NPLOC4: variants seen among roughly 807,000 people sequenced by gnomAD.
NPLOC4 encodes NPL4 homolog, ubiquitin recognition factor, also known as nuclear protein localization protein 4 homolog.
In NPLOC4, 18 loss-of-function variants were observed where a neutral mutation model predicts 80.6. That is an observed-to-expected ratio of 0.22 (90% CI 0.15 to 0.33). The LOEUF is 0.33. Ranked by LOEUF, NPLOC4 falls within the 10% of genes least tolerant of loss-of-function variation. The pLI is 1.00. For missense variants in NPLOC4, 540 were observed against 786.1 expected, an observed-to-expected ratio of 0.69 and a Z score of 3.74; for synonymous variants, 313 against 301.5, an observed-to-expected ratio of 1.04 and a Z score of -0.39.
Position 81,572,895 on chromosome 17 carries a change from T to C in NPLOC4, c.1282-807A>G, listed in dbSNP as rs1010223400. Among the ~76,000 whole-genome samples the C allele has an allele frequency of 1.3e-5, 2 of 152,166 alleles. No homozygotes were observed. The highest frequency in any genetic ancestry group is 4.8e-5 in the African/African-American group (2 of 41,430). ...TTAATAAAATAAAGGCATGCACAAATGAGCGCACACACAAATATGAAGACA... is the reference window on the plus strand; with the variant it reads ...TTAATAAAATAAAGGCATGCACAAACGAGCGCACACACAAATATGAAGACA... On this transcript the variant is annotated intron_variant, in intron 12 of 16. Transcript: ENST00000331134. The surrounding 1 kb of genome is among the most constrained non-coding windows in gnomAD (Gnocchi z 4.5).
chr17:81,561,220 G>C lies in NPLOC4; in HGVS notation c.1670-1804C>G, dbSNP rs534139492. ...TGATCCACCGCCTCGGCCTCCCAAA[G>C]TGCTGGGATTACAGGCGTGAGCTAC... On this transcript the variant is annotated intron_variant, in intron 16 of 16. Transcript: ENST00000331134. Among the ~76,000 whole-genome samples the C allele has an allele frequency of 4.6e-5, 7 of 152,266 alleles. No homozygotes were observed. The East Asian group carries it at 1.2e-3, about 25-fold the overall frequency.
chr17:81,591,469 A>AAAC (rs2034742307), intron 11 of NPLOC4, among the ~76,000 whole-genome samples: 1 of 147,118 alleles, frequency 6.8e-6, no homozygotes, highest in Non-Finnish European at 1.5e-5. Context: ...AAAAAAAAAA[A>AAAC]AAACCTGCTC....
intron 3 of NPLOC4, among the ~76,000 whole-genome samples, chr17:81,621,253 G>C (rs1432636459): frequency 6.6e-6 from 1 of 152,194 alleles, no homozygotes; most frequent in Admixed American, 6.5e-5. Flanking sequence ...CTCACCACAT[G>C]GGTAGGCAAA....
At chr17:81,566,200 C>T (rs998204709) in intron 15 of NPLOC4, among the ~76,000 whole-genome samples, 15 of 152,126 alleles carry the variant, frequency 9.9e-5, no homozygotes, top group African/African-American at 7.2e-5. Flanking sequence ...GGCGTGGTTG[C>T]GGGCACCTGT....
rs1056190891 is a variant in NPLOC4 at position 81,580,733 on chromosome 17, G to A, written c.1281+8211C>T. 6.6e-6 allele frequency among the ~76,000 whole-genome samples: 1 copy of A among 152,244 alleles called. No individual in the cohort carries two copies. Among genetic ancestry groups the A allele is most frequent in the African/African-American group, 2.4e-5 (1 of 41,470 alleles). On this transcript the variant is annotated intron_variant, in intron 12 of 16. Transcript: ENST00000331134. This position sits in a 1 kb window ranked among gnomAD's most constrained non-coding sequence, Gnocchi z 4.4. Reference sequence around the variant, plus strand: ...CTGCTGCAGCAGTCTCCCCGATGCAGGGAGCCCTTCTCCATTCTCCATGAA... The same window carrying A: ...CTGCTGCAGCAGTCTCCCCGATGCAAGGAGCCCTTCTCCATTCTCCATGAA...
Position 81,575,876 on chromosome 17 carries a change from G to A in NPLOC4, c.1282-3788C>T, listed in dbSNP as rs144676952. Among the ~76,000 whole-genome samples, 61 of 152,336 alleles carry A rather than the reference G, an allele frequency of 4.0e-4. No individual in the cohort carries two copies. In the East Asian group the frequency reaches 0.01, roughly 25 times the overall value. On this transcript the variant is annotated intron_variant, in intron 12 of 16. Transcript: ENST00000331134. ...TAAGTGATTCAGAATCTCTTCTGTC[G>A]ATGGCAGTTTCTTGATTAATTGATA...
chr17:81,588,983 C>T lies in NPLOC4; in HGVS notation c.1242G>A (p.Glu414=), dbSNP rs1017384011. Reference sequence around the variant, plus strand: ...CAGGCACGTACTGCTCACTGCTAGACTCCTTGGCGTAGCCAAGCTCCGGGG... The same window carrying T: ...CAGGCACGTACTGCTCACTGCTAGATTCCTTGGCGTAGCCAAGCTCCGGGG... ...KDAPELGYAK[E]SSSEQYVPDV... Residue 414 remains glutamate (E), a synonymous_variant, in exon 12 of 17, where the codon GAG becomes GAA. Transcript: ENST00000331134. 19 of 1,613,910 alleles carry T rather than the reference C, an allele frequency of 1.2e-5. No homozygotes were observed. Among genetic ancestry groups the T allele is most frequent in the Non-Finnish European group, 1.6e-5 (19 of 1,179,892 alleles).
intron 16 of NPLOC4, 95 bp downstream of exon 16, chr17:81,565,410 A>T: frequency 9.2e-7 from 1 of 1,086,034 alleles, no homozygotes; most frequent in Admixed American, 2.0e-5. Flanking sequence ...CTGGGTGCGG[A>T]ATCCAGGGCA....
At chr17:81,576,233 A>G (rs1598626660) in intron 12 of NPLOC4, among the ~76,000 whole-genome samples, 2 of 152,248 alleles carry the variant, frequency 1.3e-5, no homozygotes, top group East Asian at 3.8e-4. Context: ...ATCTCAAAAT[A>G]AAATTAAATC....
At chr17:81,585,053 C>G (rs80156290) in intron 12 of NPLOC4, among the ~76,000 whole-genome samples, 3,360 of 150,866 alleles carry the variant, frequency 0.022, 70 homozygotes, top group African/African-American at 0.05. Flanking sequence ...GCCTGTAGTC[C>G]TGGCTACTCG....
At chr17:81,575,445 C>T (rs1170042413) in intron 12 of NPLOC4, among the ~76,000 whole-genome samples, 3 of 152,148 alleles carry the variant, frequency 2.0e-5, no homozygotes, top group Non-Finnish European at 2.9e-5. Flanking sequence ...TAGTCCAGTC[C>T]GTGTGCAACG....
chr17:81,608,781 CA>C lies in NPLOC4; in HGVS notation c.476del (p.Val159GlyfsTer13). ...EDYLNHLEPPVKHMSFHAYIR... is the reference protein window; with the variant it reads ...EDYLNHLEPPXKHMSFHAYIR... ...TGTAGGCGTGGAAGGACATGTGCTT[CA>C]CGGGAGGCTCGAGATGGTTTAGATA... On this transcript the variant is annotated frameshift_variant, in exon 6 of 17. Coordinates refer to ENST00000331134, the MANE Select transcript of NPLOC4 (RefSeq NM_017921.4). LOFTEE classifies it high-confidence loss of function. 1 of 1,592,770 alleles carries C rather than the reference CA, an allele frequency of 6.3e-7. No homozygotes were observed. Among genetic ancestry groups the C allele is most frequent in the African/African-American group, 1.3e-5 (1 of 74,742 alleles).
At chr17:81,594,844 G>A (rs532939067) in intron 11 of NPLOC4, among the ~76,000 whole-genome samples, 3 of 152,122 alleles carry the variant, frequency 2.0e-5, no homozygotes, top group Admixed American at 1.3e-4. Flanking sequence ...TACATAGGAG[G>A]CTGTTGGGGT....
intron 3 of NPLOC4, among the ~76,000 whole-genome samples, chr17:81,615,189 T>G (rs546965291): frequency 6.7e-6 from 1 of 150,130 alleles, no homozygotes; most frequent in South Asian, 2.1e-4. Flanking sequence ...AACCTGCATC[T>G]CACGGGTTTA....
intron 6 of NPLOC4, among the ~76,000 whole-genome samples, chr17:81,607,626 G>T (rs1217683979): frequency 6.6e-6 from 1 of 152,102 alleles, no homozygotes; most frequent in African/African-American, 2.4e-5. Context: ...CACTGAATCT[G>T]CATGCTAACA....
intron 9 of NPLOC4, among the ~76,000 whole-genome samples, chr17:81,598,653 T>G (rs188879128): frequency 1.1e-3 from 163 of 152,322 alleles, no homozygotes; most frequent in African/African-American, 3.8e-3. Context: ...GCAGTGCCTG[T>G]GTGCTGTGTG....
intron 8 of NPLOC4, 100 bp downstream of exon 8, chr17:81,604,448 G>C (rs2035144738): frequency 9.2e-7 from 1 of 1,083,156 alleles, no homozygotes; most frequent in South Asian, 1.7e-5. Flanking sequence ...GACAAAGGGG[G>C]AACAAACAAC....
At chr17:81,585,371 T>C (rs1273422742) in intron 12 of NPLOC4, among the ~76,000 whole-genome samples, 1 of 151,696 alleles carries the variant, frequency 6.6e-6, no homozygotes, top group Non-Finnish European at 1.5e-5. Context: ...TCCACATCGT[T>C]AAGAAATCAA....
At position 81,558,985 on chromosome 17, in the gene NPLOC4, C is replaced by T. The variant is rs9905956; in HGVS notation, c.*274G>A. 7.0e-3 allele frequency: 2,683 copies of T among 385,136 alleles called. 28 individuals are homozygous for T. The highest frequency in any genetic ancestry group is 0.035 in the East Asian group (798 of 22,602). 23.9% of individuals were successfully genotyped at this position (385,136 alleles called of 1,614,324 possible). A position where few individuals can be genotyped will look rare whatever the true frequency, so the allele number is the denominator to read the frequency against. ...GAGGCGAGAGGTCTTTCCAACACGG[C>T]GGGGGACTTGTCAACAGGATTAGGC... is the stretch of plus-strand genomic sequence containing the variant. On this transcript the variant is annotated 3_prime_UTR_variant, in exon 17 of 17. Coordinates refer to ENST00000331134, the MANE Select transcript of NPLOC4 (RefSeq NM_017921.4).
Sources: allele counts gnomAD v4.1 joint callset (sites outside exome capture counted in the v4.1 genomes callset), GRCh38; gene constraint gnomAD v4.1.1; non-coding constraint Gnocchi (gnomAD v3.1); transcripts MANE v1.5; gene names NCBI Gene and HGNC (gene_info 2026-07-23, HGNC 2026-07-21).